USP35: variants seen among roughly 807,000 people sequenced by gnomAD.
The protein encoded by USP35 is ubiquitin specific peptidase 35.
In USP35, 69 loss-of-function variants were observed where a neutral mutation model predicts 83.8. The observed-to-expected ratio is 0.82, with a 90% CI of 0.68 to 1.01. USP35 has a LOEUF of 1.01. Among genes scored for constraint, USP35 ranks in the 50% least tolerant of loss-of-function variants. The probability of loss-of-function intolerance (pLI) is 0.00; values close to 1 mark genes in which losing one functional copy is unlikely to be tolerated. For synonymous variants in USP35, 714 were observed against 589.5 expected (o/e 1.21, Z -3.06); for missense variants, 1,503 against 1,362.5 (o/e 1.10, Z -1.62).
intron 3 of USP35, chr11:78,198,854 T>A: frequency 3.8e-6 from 1 of 259,960 alleles, no homozygotes; most frequent in Non-Finnish European, 6.0e-6. Flanking sequence ...AGGGTTGTTG[T>A]GAGGATTAAA....
At chr11:78,212,503 G>C (rs1863825171) in intron 10 of USP35, among the ~76,000 whole-genome samples, 2 of 152,168 alleles carry the variant, frequency 1.3e-5, no homozygotes, top group African/African-American at 2.4e-5. Flanking sequence ...GAATAGCATT[G>C]AATCTGTTAA....
chr11:78,208,801 C>A, intron 8 of USP35, 56 bp from the exon 9 acceptor site: 1 of 1,589,104 alleles, frequency 6.3e-7, no homozygotes, highest in Non-Finnish European at 8.6e-7. Flanking sequence ...CTGTGCAGAG[C>A]TGGCTGGTGA....
intron 1 of USP35, among the ~76,000 whole-genome samples, chr11:78,191,435 G>A (rs530828755): frequency 2.4e-4 from 37 of 152,350 alleles, no homozygotes; most frequent in Middle Eastern, 3.4e-3. Flanking sequence ...GAGCAGCAGC[G>A]CTGGCTGGGA....
the USP35 span, among the ~76,000 whole-genome samples, chr11:78,231,336 G>GTGTGTGTGTGTGTGTGTGTGTGTGT: frequency 1.4e-5 from 2 of 145,794 alleles, no homozygotes; most frequent in African/African-American, 5.2e-5. Context: ...GCGCGTGTGT[G>GTGTGTGTGTGTGTGTGTGTGTGTGT]GTGTGTGTGT....
chr11:78,202,390 T>C (rs1014705485), intron 6 of USP35, among the ~76,000 whole-genome samples: 2 of 152,216 alleles, frequency 1.3e-5, no homozygotes, highest in African/African-American at 4.8e-5. Context: ...ATGTAATCAG[T>C]GGCCTGCTCT....
In USP35 at chr11:78,209,535, CCCAAGTT is replaced by C; in HGVS notation, c.1682_1688del (p.Pro561GlnfsTer12). 8.1e-6 allele frequency: 13 copies of C among 1,614,126 alleles called. No individual in the cohort carries two copies. The highest frequency in any genetic ancestry group is 1.0e-5 in the Non-Finnish European group (12 of 1,180,008). Reference sequence around the variant, plus strand: ...CCTCTCCGCCCGAGGAGCCCCCGGCCCCAAGTTCAACCTCTGTGGAAAAAATGTTTGG... The same window carrying C: ...CCTCTCCGCCCGAGGAGCCCCCGGCCCAACCTCTGTGGAAAAAATGTTTGG... On this transcript the variant is annotated frameshift_variant, in exon 10 of 11. Coordinates refer to ENST00000529308, the MANE Select transcript of USP35 (RefSeq NM_020798.4). LOFTEE classifies it high-confidence loss of function.
chr11:78,216,751 A>G (rs1864168903), downstream of USP35: 1 of 152,298 alleles, frequency 6.6e-6, no homozygotes, highest in Non-Finnish European at 1.5e-5. Flanking sequence ...AGGCTGCAAT[A>G]GTCTGGGCCC....
chr11:78,200,803 A>G lies in USP35; in HGVS notation c.1192A>G (p.Ile398Val), dbSNP rs1333726932. Residue 398 changes from isoleucine to valine, a missense_variant, in exon 6 of 11, where the codon ATC (isoleucine) becomes GTC (valine). Transcript: ENST00000529308. The part of the protein sequence containing the change: ...PDLYEPVMEA[I>V]KDLHVPNEDR... ...TCTGTATGAGCCTGTCATGGAGGCC[A>G]TCAAGGTGAGCGACAGTCCCCTACT... 6.2e-7 allele frequency: 1 copy of G among 1,605,520 alleles called. No homozygotes were observed. Among genetic ancestry groups the G allele is most frequent in the Non-Finnish European group, 8.5e-7 (1 of 1,174,004 alleles).
In USP35 at chr11:78,197,998, G is replaced by A. The variant is rs1863207613; in HGVS notation, c.736G>A (p.Asp246Asn). The A allele has an allele frequency of 6.2e-7, 1 of 1,614,148 alleles. No homozygotes were observed. The highest frequency in any genetic ancestry group is 8.5e-7 in the Non-Finnish European group (1 of 1,180,056). ...CCAGCACCTCCCATTGGAGCTCATG[G>A]ATGGTGTTGTCCGGAACCTCAGCAA... ...VVQHLPLELMDGVVRNLSNDD... is the reference protein window; with the variant it reads ...VVQHLPLELMNGVVRNLSNDD... Residue 246 changes from aspartate (D) to asparagine (N), a missense_variant, in exon 3 of 11, where the codon GAT becomes AAT. Coordinates refer to ENST00000529308, the MANE Select transcript of USP35 (RefSeq NM_020798.4).
At chr11:78,194,632 A>G (rs115782369) in intron 1 of USP35, among the ~76,000 whole-genome samples, 3,364 of 152,290 alleles carry the variant, frequency 0.022, 126 homozygotes, top group African/African-American at 0.076. Context: ...GAGAGGGCTC[A>G]AAGTGGGTTG....
chr11:78,233,578 G>A, the USP35 span, among the ~76,000 whole-genome samples: 7 of 152,112 alleles, frequency 4.6e-5, no homozygotes, highest in South Asian at 2.1e-4. Context: ...TTAGATATGC[G>A]CGTTGAATAT....
In USP35 at chr11:78,210,654, T is replaced by C; in HGVS notation, c.2799T>C (p.Ala933=). ...AGCGGCCCAGGGAGGGGCCCGAGGC[T>C]GAGTTGGGCTCTTCTAGAGTCCGGA... is the stretch of plus-strand genomic sequence containing the variant. ...YRQRPREGPE[A]ELGSSRVRTE... Residue 933 remains alanine, a synonymous_variant, in exon 10 of 11, where the codon GCT becomes GCC. Coordinates refer to ENST00000529308, the MANE Select transcript of USP35 (RefSeq NM_020798.4). 1 of 1,613,962 alleles carries C rather than the reference T, an allele frequency of 6.2e-7. No homozygotes were observed. The highest frequency in any genetic ancestry group is 8.5e-7 in the Non-Finnish European group (1 of 1,179,894).
At chr11:78,228,400 C>T in the USP35 span, among the ~76,000 whole-genome samples, 1 of 152,146 alleles carries the variant, frequency 6.6e-6, no homozygotes. Context: ...TTTTAAGATT[C>T]TGGTCAAAAG....
intron 6 of USP35, among the ~76,000 whole-genome samples, chr11:78,204,606 G>A (rs1046453695): frequency 3.9e-5 from 6 of 152,206 alleles, no homozygotes; most frequent in African/African-American, 1.2e-4. Flanking sequence ...CGGATATGTG[G>A]GGTTGTGTCT....
At chr11:78,228,754 A>G in the USP35 span, among the ~76,000 whole-genome samples, 1 of 151,816 alleles carries the variant, frequency 6.6e-6, no homozygotes, top group African/African-American at 2.4e-5. Context: ...TTCCAGACAC[A>G]TAACCAAGCC....
chr11:78,225,163 C>A, the USP35 span: 1 of 1,613,616 alleles, frequency 6.2e-7, no homozygotes, highest in Non-Finnish European at 8.5e-7. Context: ...TGCACTCTCT[C>A]CACCACGCTG....
rs756537453 is a variant in USP35, at chr11:78,196,250, A to T, written c.5A>T (p.Asp2Val). The part of the protein sequence containing the change: M[D>V]KILEAVVTSS... ...GTCCTCCGCAGCGCGGGCGCCATGG[A>T]CAAGATCTTGGAGGCGGTGGTGACG... Residue 2 changes from aspartate (D) to valine (V), a missense_variant, in exon 2 of 11, where the codon GAC becomes GTC. Coordinates refer to ENST00000529308, the MANE Select transcript of USP35 (RefSeq NM_020798.4). This position sits in a 1 kb window ranked among gnomAD's most constrained non-coding sequence, Gnocchi z 4.8. The T allele has an allele frequency of 3.8e-6, 6 of 1,591,892 alleles. No homozygotes were observed. Among genetic ancestry groups the T allele is most frequent in the Admixed American group, 1.7e-5 (1 of 59,330 alleles).
intron 1 of USP35, among the ~76,000 whole-genome samples, chr11:78,191,502 A>G (rs1329611373): frequency 6.6e-6 from 1 of 152,152 alleles, no homozygotes; most frequent in Non-Finnish European, 1.5e-5. Flanking sequence ...AGGATCACAG[A>G]GGTAAAAGAA....
chr11:78,197,803 A>G, intron 2 of USP35, 133 bp from the exon 3 acceptor site: 3 of 1,293,680 alleles, frequency 2.3e-6, no homozygotes, highest in Non-Finnish European at 3.1e-6. Context: ...TGCTTGCTAT[A>G]GGAGAGGAGG....
Sources: gnomAD v4.1 joint callset for allele counts (sites outside exome capture counted in the v4.1 genomes callset) on GRCh38, gnomAD v4.1.1 for gene constraint, Gnocchi (gnomAD v3.1) non-coding constraint, MANE v1.5 for transcripts, NCBI Gene and HGNC (gene_info 2026-07-23, HGNC 2026-07-21) for gene names.